Variants in TRAPPC9 observed in about 807,000 individuals in gnomAD.
The protein encoded by TRAPPC9 is trafficking protein particle complex subunit 9, also known as IKK2 binding protein.
Under a neutral mutation model 124.0 loss-of-function variants are expected in TRAPPC9, and 83 were observed. The observed-to-expected ratio is 0.67, with a 90% CI of 0.56 to 0.80. The LOEUF is 0.80. Among genes scored for constraint, TRAPPC9 ranks in the 30% least tolerant of loss-of-function variants. The pLI is 0.00. For synonymous variants in TRAPPC9, 638 were observed against 617.5 expected, an observed-to-expected ratio of 1.03 and a Z score of -0.49; for missense variants, 1,302 against 1,508.3, an observed-to-expected ratio of 0.86 and a Z score of 2.27.
chr8:140,389,488 G>A (rs763837604), intron 7 of TRAPPC9, among the ~76,000 whole-genome samples: 3 of 152,148 alleles, frequency 2.0e-5, no homozygotes, highest in Non-Finnish European at 4.4e-5. Flanking sequence ...TGATGCTGGC[G>A]AGTGCCACAG....
intron 16 of TRAPPC9, among the ~76,000 whole-genome samples, chr8:140,250,367 T>G (rs1258968643): frequency 6.6e-6 from 1 of 152,252 alleles, no homozygotes; most frequent in Non-Finnish European, 1.5e-5. Context: ...TGTGAATTTT[T>G]TAAGCGTCAT....
intron 21 of TRAPPC9, among the ~76,000 whole-genome samples, chr8:139,796,515 T>C (rs1305955973): frequency 1.3e-5 from 2 of 152,214 alleles, no homozygotes; most frequent in African/African-American, 4.8e-5. Flanking sequence ...TATGTGGCCT[T>C]CTGTGCCTGG....
At chr8:139,964,657 T>C (rs1835580153) in intron 19 of TRAPPC9, among the ~76,000 whole-genome samples, 1 of 151,884 alleles carries the variant, frequency 6.6e-6, no homozygotes, top group Non-Finnish European at 1.5e-5. Flanking sequence ...TCATTACAAA[T>C]ATGCAGAACA....
At position 140,354,313 on chromosome 8, in the gene TRAPPC9, C is replaced by T. The variant is rs537816910; in HGVS notation, c.1495+5737G>A. Among the ~76,000 whole-genome samples the T allele has an allele frequency of 2.4e-3, 367 of 152,248 alleles. 2 individuals are homozygous for T. Among genetic ancestry groups the T allele is most frequent in the Middle Eastern group, 0.01 (3 of 292 alleles). ...GCTGGAATGCCACAGAAGCTCTGTG[C>T]CCACACACATGGGAAGCCTCAACAA... On this transcript the variant is annotated intron_variant, in intron 9 of 22. Transcript: ENST00000438773.
chr8:139,733,927 G>C (rs1040890944), intron 21 of TRAPPC9, among the ~76,000 whole-genome samples: 14 of 152,368 alleles, frequency 9.2e-5, no homozygotes, highest in African/African-American at 3.1e-4. Context: ...GGCCAGAGCA[G>C]GCAACTTCAG....
chr8:140,018,324 A>ATTTTTTCTTTTTTTTTTTTTTTTTTTCT lies in TRAPPC9; in HGVS notation c.2699+5612_2699+5613insAGAAAAAAAAAAAAAAAAAAAGAAAAAA, dbSNP rs765656679. On this transcript the variant is annotated intron_variant, in intron 18 of 22. Transcript: ENST00000438773. ...TTGCTGGTATATAGAAACGTAAGTG[A>ATTTTTTCTTTTTTTTTTTTTTTTTTTCT]TTTTTTTTTTTTTTTTTGAGACGGA... 2.9e-3 allele frequency among the ~76,000 whole-genome samples: 349 copies of ATTTTTTCTTTTTTTTTTTTTTTTTTTCT among 119,648 alleles called. 30 individuals carry two copies. Among genetic ancestry groups the ATTTTTTCTTTTTTTTTTTTTTTTTTTCT allele is most frequent in the African/African-American group, 0.011 (322 of 30,564 alleles). The allele number at this position is 119,648 out of a possible 152,430, so 78.5% of individuals were successfully genotyped here. A position where few individuals can be genotyped will look rare whatever the true frequency, so the allele number is the denominator to read the frequency against.
At chr8:140,148,831 C>T (rs2061498853) in intron 17 of TRAPPC9, among the ~76,000 whole-genome samples, 1 of 152,110 alleles carries the variant, frequency 6.6e-6, no homozygotes, top group Non-Finnish European at 1.5e-5. Context: ...TAATGAACAA[C>T]TTGGATAGAG....
intron 20 of TRAPPC9, among the ~76,000 whole-genome samples, chr8:139,902,882 G>C (rs903786374): frequency 3.9e-5 from 6 of 152,206 alleles, no homozygotes; most frequent in Non-Finnish European, 7.3e-5. Context: ...ACAAAGCCCA[G>C]TGTGACTGCA....
At chr8:139,980,338 TCCACTCTCAATG>T (rs1477568497) in intron 19 of TRAPPC9, among the ~76,000 whole-genome samples, 2 of 152,102 alleles carry the variant, frequency 1.3e-5, no homozygotes, top group Non-Finnish European at 2.9e-5. Context: ...TTTCTCTGCC[TCCACTCTCAATG>T]CCACTGAGAA....
At chr8:139,978,854 C>A (rs918392836) in intron 19 of TRAPPC9, among the ~76,000 whole-genome samples, 5 of 152,204 alleles carry the variant, frequency 3.3e-5, no homozygotes, top group African/African-American at 1.2e-4. Flanking sequence ...CCCAGAGAAC[C>A]AGTGGAGCTG....
intron 9 of TRAPPC9, among the ~76,000 whole-genome samples, chr8:140,356,712 C>T (rs947687638): frequency 5.3e-5 from 8 of 151,666 alleles, no homozygotes; most frequent in African/African-American, 1.5e-4. Flanking sequence ...CGGGTTCAAG[C>T]GATTCTCCTG....
chr8:140,249,117 G>A lies in TRAPPC9; in HGVS notation c.2431+3660C>T, dbSNP rs117433093. On this transcript the variant is annotated intron_variant, in intron 16 of 22. Coordinates refer to ENST00000438773, the MANE Select transcript of TRAPPC9 (RefSeq NM_001160372.4). ...TGATGCTGAGGTTTGGGAAATGAGT[G>A]ATTCTGTCATCCGGACAGTGAGCGT... 1.1e-3 allele frequency among the ~76,000 whole-genome samples: 166 copies of A among 152,248 alleles called. 3 individuals carry two copies. The East Asian group carries it at 0.028, about 25-fold the overall frequency.
rs58346883 is a variant in TRAPPC9 at position 140,179,873 on chromosome 8, G to T, written c.2556+41586C>A. 3.1e-3 allele frequency among the ~76,000 whole-genome samples: 476 copies of T among 151,750 alleles called. 2 individuals are homozygous for T. Among genetic ancestry groups the T allele is most frequent in the Non-Finnish European group, 5.1e-3 (344 of 67,856 alleles). ...GTCAACTTTGTCTTATATTAATAAA[G>T]TTGTTCCTGCTTTCTTATGACAAGT... is the stretch of plus-strand genomic sequence containing the variant. On this transcript the variant is annotated intron_variant, in intron 17 of 22. Coordinates refer to ENST00000438773, the MANE Select transcript of TRAPPC9 (RefSeq NM_001160372.4).
intron 21 of TRAPPC9, among the ~76,000 whole-genome samples, chr8:139,877,302 A>G (rs1032006414): frequency 6.6e-6 from 1 of 152,176 alleles, no homozygotes; most frequent in Non-Finnish European, 1.5e-5. Flanking sequence ...AGTCACCATG[A>G]CCGGGTCTCT....
intron 17 of TRAPPC9, among the ~76,000 whole-genome samples, chr8:140,158,010 C>T (rs1342595057): frequency 1.3e-5 from 2 of 152,180 alleles, no homozygotes; most frequent in Non-Finnish European, 2.9e-5. Flanking sequence ...GTCATAATTT[C>T]ATTCCCTGTT....
intron 17 of TRAPPC9, among the ~76,000 whole-genome samples, chr8:140,118,849 G>T (rs2060935726): frequency 6.6e-6 from 1 of 152,212 alleles, no homozygotes; most frequent in African/African-American, 2.4e-5. Context: ...AGCCTGGCAG[G>T]CTGGTTCTGA....
chr8:139,851,530 C>T (rs564808069), intron 21 of TRAPPC9, among the ~76,000 whole-genome samples: 17 of 152,144 alleles, frequency 1.1e-4, no homozygotes, highest in Admixed American at 2.0e-4. Context: ...CGGGGATGAA[C>T]GGTCAAATCA....
At chr8:139,843,291 A>G (rs1383570499) in intron 21 of TRAPPC9, among the ~76,000 whole-genome samples, 1 of 152,200 alleles carries the variant, frequency 6.6e-6, no homozygotes, top group Non-Finnish European at 1.5e-5. Context: ...AGCCAGCAGG[A>G]GGGCGGCAGG....
chr8:140,350,482 G>C (rs2067527362), intron 9 of TRAPPC9, among the ~76,000 whole-genome samples: 1 of 152,226 alleles, frequency 6.6e-6, no homozygotes, highest in Admixed American at 6.5e-5. Flanking sequence ...ATCAAAGGGA[G>C]GCTGTCCATC....
Sources: gnomAD v4.1 joint callset for allele counts (sites outside exome capture counted in the v4.1 genomes callset) on GRCh38, gnomAD v4.1.1 for gene constraint, MANE v1.5 for transcripts, NCBI Gene and HGNC (gene_info 2026-07-23, HGNC 2026-07-21) for gene names.